Variants in CHKA observed in about 807,000 individuals in gnomAD.
CHKA encodes choline kinase alpha.
A neutral mutation model predicts 60.1 loss-of-function variants in CHKA; 34 were observed. The ratio of observed to expected loss-of-function variants is 0.57; its 90% confidence interval spans 0.43 to 0.75. The LOEUF (loss-of-function observed/expected upper bound fraction) is 0.75, where lower values mean the gene tolerates loss of function less well. Among genes scored for constraint, CHKA ranks in the 30% least tolerant of loss-of-function variants. The pLI is 0.00. For synonymous variants in CHKA, 217 were observed against 223.1 expected, an observed-to-expected ratio of 0.97 and a Z score of 0.24; for missense variants, 563 against 561.3, an observed-to-expected ratio of 1.00 and a Z score of -0.03.
chr11:68,116,724 A>AAAAG (rs915400249), intron 1 of CHKA, among the ~76,000 whole-genome samples: 2 of 152,122 alleles, frequency 1.3e-5, no homozygotes, highest in South Asian at 2.1e-4. Flanking sequence ...TAAAAAAAAA[A>AAAAG]AAAGAAAGAA....
chr11:68,097,053 A>G lies in CHKA; in HGVS notation c.428T>C (p.Val143Ala). 2 of 1,613,588 alleles carry G rather than the reference A, an allele frequency of 1.2e-6. No individual in the cohort carries two copies. The highest frequency in any genetic ancestry group is 8.5e-7 in the Non-Finnish European group (1 of 1,179,732). The part of the protein sequence containing the change: ...TATLGDEPRK[V>A]LLRLYGAILQ... ...AATCGCTCCATACAGCCGCAGGAGC[A>G]CTTTCCGAGGCTCATCACCAAGGGT... is the stretch of plus-strand genomic sequence containing the variant. Residue 143 changes from valine (V) to alanine (A), a missense_variant, in exon 2 of 12, where the codon GTG becomes GCG. Coordinates refer to ENST00000265689, the MANE Select transcript of CHKA (RefSeq NM_001277.3).
At chr11:68,070,689 A>C in intron 5 of CHKA, 35 bp downstream of exon 5, 1 of 1,594,730 alleles carries the variant, frequency 6.3e-7, no homozygotes, top group Non-Finnish European at 8.6e-7. Flanking sequence ...CACCACTGTA[A>C]AACTATGTTA....
intron 1 of CHKA, among the ~76,000 whole-genome samples, chr11:68,112,352 G>A (rs1426551190): frequency 6.6e-6 from 1 of 152,080 alleles, no homozygotes; most frequent in Non-Finnish European, 1.5e-5. Flanking sequence ...CGCCTCCCGG[G>A]TTCAAGCGAT....
rs1416752139 is a variant in CHKA at position 68,120,818 on chromosome 11, C to T, written c.350+10G>A. ...ACTGTCCCGCGGCCCCCAGACCCGG[C>T]GCCACCGACCTGATGACACTGATGT... On this transcript the variant is annotated intron_variant, in intron 1 of 11. Transcript: ENST00000265689. 7 of 1,232,936 alleles carry T rather than the reference C, an allele frequency of 5.7e-6. No individual in the cohort carries two copies. The highest frequency in any genetic ancestry group is 4.3e-5 in the South Asian group (2 of 46,864). The allele number at this position is 1,232,936 out of a possible 1,614,324, so 76.4% of individuals were successfully genotyped here.
intron 3 of CHKA, among the ~76,000 whole-genome samples, chr11:68,076,637 C>G (rs146032181): frequency 1.4e-3 from 216 of 151,964 alleles, no homozygotes; most frequent in African/African-American, 4.9e-3. Context: ...CAAGGGGGTG[C>G]TGGACTCGGA....
At chr11:68,102,437 G>A (rs1212726152) in intron 1 of CHKA, among the ~76,000 whole-genome samples, 2 of 152,110 alleles carry the variant, frequency 1.3e-5, no homozygotes, top group Non-Finnish European at 2.9e-5. Flanking sequence ...CAAGTGTCAA[G>A]AACACAATAG....
At chr11:68,104,497 C>A (rs546361785) in intron 1 of CHKA, among the ~76,000 whole-genome samples, 1 of 151,958 alleles carries the variant, frequency 6.6e-6, no homozygotes, top group South Asian at 2.1e-4. Flanking sequence ...CTCGGCTCAC[C>A]GCAACCTCCG....
chr11:68,069,308 A>G (rs1444084809), intron 6 of CHKA, among the ~76,000 whole-genome samples: 1 of 152,092 alleles, frequency 6.6e-6, no homozygotes, highest in Non-Finnish European at 1.5e-5. Flanking sequence ...TCACAATTTG[A>G]CATTATTTTA....
intron 1 of CHKA, among the ~76,000 whole-genome samples, chr11:68,101,611 T>A (rs1432743732): frequency 1.3e-5 from 2 of 148,254 alleles, no homozygotes; most frequent in Non-Finnish European, 3.0e-5. Flanking sequence ...GCAAATTATC[T>A]GGAATGGAAA....
intron 3 of CHKA, among the ~76,000 whole-genome samples, chr11:68,080,837 G>C (rs1050608582): frequency 6.6e-6 from 1 of 152,250 alleles, no homozygotes; most frequent in Admixed American, 6.5e-5. Flanking sequence ...CCAGACCCCT[G>C]CCTCTGAGGC....
At chr11:68,083,134 G>A (rs533168194) in intron 2 of CHKA, among the ~76,000 whole-genome samples, 147 of 152,246 alleles carry the variant, frequency 9.7e-4, no homozygotes, top group African/African-American at 3.4e-3. Context: ...TTCTCCCAGA[G>A]CACCAAGCAA....
intron 1 of CHKA, among the ~76,000 whole-genome samples, chr11:68,101,099 C>G (rs570303429): frequency 1.4e-3 from 215 of 151,926 alleles, no homozygotes; most frequent in Non-Finnish European, 2.6e-3. Flanking sequence ...AGGCGCCCAC[C>G]ACCACACCGG....
At chr11:68,098,271 C>CAAAAAAAAAAAAAAAAAAAAAA (rs57972693) in intron 1 of CHKA, among the ~76,000 whole-genome samples, 1 of 120,738 alleles carries the variant, frequency 8.3e-6, no homozygotes, top group Admixed American at 8.6e-5. Flanking sequence ...ACTCCTATCT[C>CAAAAAAAAAAAAAAAAAAAAAA]AAAAAAAAAA....
rs201758584 is a variant in CHKA at position 68,081,411 on chromosome 11, T to C, written c.509A>G (p.Glu170Gly). 115 of 1,613,342 alleles carry C rather than the reference T, an allele frequency of 7.1e-5. No individual in the cohort carries two copies. The highest frequency in any genetic ancestry group is 8.7e-5 in the Non-Finnish European group (103 of 1,179,286). ...EGSEQAQKEN[E>G]FQGAEAMVLE... is the part of the protein sequence containing the mutation. ...AAAGACTGAATTACTTACTTGAAAT[T>C]CATTTTCTTTCTGAGCTTGTTCGGA... Residue 170 changes from glutamate to glycine, a missense_variant, in exon 3 of 12, where the codon GAA becomes GGA. Glu to Gly is a moderately conservative substitution (Grantham distance 98). Transcript: ENST00000265689.
intron 1 of CHKA, among the ~76,000 whole-genome samples, chr11:68,109,086 CTTTTTTTTTTTT>C (rs1040771984): frequency 7.7e-6 from 1 of 130,594 alleles, no homozygotes; most frequent in East Asian, 2.2e-4. Flanking sequence ...TTTTCTTTTC[CTTTTTTTTTTTT>C]TTTTTTTTTG....
chr11:68,093,307 C>T (rs1857408771), intron 2 of CHKA, among the ~76,000 whole-genome samples: 1 of 152,120 alleles, frequency 6.6e-6, no homozygotes. Flanking sequence ...GCCCTAATTT[C>T]CCTTTCTATC....
At chr11:68,065,658 A>T in intron 9 of CHKA, 128 bp downstream of exon 9, 1 of 649,784 alleles carries the variant, frequency 1.5e-6, no homozygotes, top group Non-Finnish European at 2.8e-6. Flanking sequence ...CCATGATCGC[A>T]CTACTGCACT....
intron 3 of CHKA, among the ~76,000 whole-genome samples, chr11:68,080,320 A>G (rs1159524836): frequency 6.6e-6 from 1 of 151,612 alleles, no homozygotes. Flanking sequence ...TTTTATCTCA[A>G]CCGTTTTAAT....
intron 1 of CHKA, among the ~76,000 whole-genome samples, chr11:68,116,423 T>C (rs535958915): frequency 8.6e-5 from 13 of 151,884 alleles, no homozygotes; most frequent in African/African-American, 3.1e-4. Flanking sequence ...ATACAAAAAT[T>C]AGCCAGGTAG....
Sources: gnomAD v4.1 joint callset for allele counts (sites outside exome capture counted in the v4.1 genomes callset) on GRCh38, gnomAD v4.1.1 for gene constraint, MANE v1.5 for transcripts, NCBI Gene and HGNC (gene_info 2026-07-23, HGNC 2026-07-21) for gene names.